Variants in CRPPA observed in about 807,000 individuals in gnomAD.
The protein encoded by CRPPA is D-ribitol-5-phosphate cytidylyltransferase.
A neutral mutation model predicts 52.0 loss-of-function variants in CRPPA; 43 were observed. That is an observed-to-expected ratio of 0.83 (90% CI 0.65 to 1.07). The LOEUF (loss-of-function observed/expected upper bound fraction) is 1.07. CRPPA is among the 50% of genes least tolerant of loss of function. CRPPA has a pLI of 0.00. For missense variants in CRPPA, 629 were observed against 551.7 expected, an observed-to-expected ratio of 1.14 and a Z score of -1.40; for synonymous variants, 250 against 203.5, an observed-to-expected ratio of 1.23 and a Z score of -1.94.
intron 9 of CRPPA, among the ~76,000 whole-genome samples, chr7:16,093,737 C>T (rs930970819): frequency 6.6e-6 from 1 of 152,134 alleles, no homozygotes; most frequent in Non-Finnish European, 1.5e-5. Context: ...ATCTGTGTCA[C>T]ATCATTCATA....
At chr7:16,230,772 G>A (rs2128402853) in intron 8 of CRPPA, among the ~76,000 whole-genome samples, 1 of 152,324 alleles carries the variant, frequency 6.6e-6, no homozygotes, top group South Asian at 2.1e-4. Flanking sequence ...AGTCTTCACA[G>A]ATAGGGATTT....
At chr7:16,141,405 T>C (rs1297449679) in intron 9 of CRPPA, among the ~76,000 whole-genome samples, 1 of 152,232 alleles carries the variant, frequency 6.6e-6, no homozygotes, top group Non-Finnish European at 1.5e-5. Flanking sequence ...CTGTAATTTA[T>C]GCAAATAAAC....
At chr7:16,329,751 T>A (rs908714399) in intron 3 of CRPPA, among the ~76,000 whole-genome samples, 2 of 152,184 alleles carry the variant, frequency 1.3e-5, no homozygotes, top group Non-Finnish European at 2.9e-5. Flanking sequence ...TTAAATTATA[T>A]ATAAGTAATC....
intron 9 of CRPPA, among the ~76,000 whole-genome samples, chr7:16,109,555 C>A (rs1782220105): frequency 2.0e-5 from 3 of 151,946 alleles, no homozygotes; most frequent in Admixed American, 1.3e-4. Context: ...AGACCAATAT[C>A]TTTCAGGAAC....
intron 2 of CRPPA, among the ~76,000 whole-genome samples, chr7:16,384,111 C>T (rs995274385): frequency 1.4e-4 from 21 of 152,126 alleles, no homozygotes; most frequent in African/African-American, 4.3e-4. Context: ...AGCTGTAGAC[C>T]GGAGCTGTTC....
chr7:16,406,005 AT>A, intron 2 of CRPPA, 55 bp downstream of exon 2: 1 of 1,492,042 alleles, frequency 6.7e-7, no homozygotes, highest in Non-Finnish European at 9.1e-7. Context: ...AATTCAGCAA[AT>A]GAACCACACT....
chr7:16,278,115 C>T lies in CRPPA; in HGVS notation c.933+14G>A. On this transcript the variant is annotated intron_variant, in intron 6 of 9. Transcript: ENST00000407010. ...GCAATCAAAGTTTATCAAACTCAGT[C>T]TTTGAATACTTACATTTAATTCACT... The T allele has an allele frequency of 7.4e-7, 1 of 1,357,216 alleles. No individual in the cohort carries two copies. Among genetic ancestry groups the T allele is most frequent in the South Asian group, 1.2e-5 (1 of 80,054 alleles). 84.1% of individuals were successfully genotyped at this position (1,357,216 alleles called of 1,614,324 possible). A position where few individuals can be genotyped will look rare whatever the true frequency, so the allele number is the denominator to read the frequency against.
intron 2 of CRPPA, among the ~76,000 whole-genome samples, chr7:16,387,863 T>G (rs141976858): frequency 6.6e-6 from 1 of 152,126 alleles, no homozygotes; most frequent in Admixed American, 6.5e-5. Flanking sequence ...CATAGAACAT[T>G]CTCTAGAACA....
At chr7:16,413,005 G>C (rs1388739377) in intron 1 of CRPPA, among the ~76,000 whole-genome samples, 2 of 152,136 alleles carry the variant, frequency 1.3e-5, no homozygotes, top group African/African-American at 4.8e-5. Flanking sequence ...GGAAAGATCA[G>C]GCCCTGTTAA....
intron 8 of CRPPA, among the ~76,000 whole-genome samples, chr7:16,250,024 G>C (rs1783400977): frequency 6.6e-6 from 1 of 152,172 alleles, no homozygotes; most frequent in Admixed American, 6.6e-5. Flanking sequence ...AACCAGTGTA[G>C]AGAAGAATAT....
At chr7:16,329,901 T>C (rs1785508844) in intron 3 of CRPPA, among the ~76,000 whole-genome samples, 1 of 152,236 alleles carries the variant, frequency 6.6e-6, no homozygotes, top group Non-Finnish European at 1.5e-5. Context: ...CTGTGTGATT[T>C]TCAAATCCAA....
intron 8 of CRPPA, among the ~76,000 whole-genome samples, chr7:16,246,748 A>T (rs1562582689): frequency 6.6e-6 from 1 of 152,264 alleles, no homozygotes; most frequent in Non-Finnish European, 1.5e-5. Context: ...TTAAGTCTCA[A>T]AAGTGGGCTT....
chr7:16,346,578 T>C (rs893564185), intron 3 of CRPPA, among the ~76,000 whole-genome samples: 3 of 152,146 alleles, frequency 2.0e-5, no homozygotes, highest in African/African-American at 7.2e-5. Context: ...CTAGTGTTTG[T>C]TGACTACTGC....
intron 5 of CRPPA, among the ~76,000 whole-genome samples, chr7:16,279,724 C>A (rs1784282576): frequency 6.6e-6 from 1 of 152,072 alleles, no homozygotes; most frequent in Non-Finnish European, 1.5e-5. Flanking sequence ...AGGAGCTTTG[C>A]AAACAATCAA....
intron 8 of CRPPA, among the ~76,000 whole-genome samples, chr7:16,218,363 C>A (rs1782391899): frequency 7.6e-6 from 1 of 131,992 alleles, no homozygotes; most frequent in Non-Finnish European, 1.6e-5. Context: ...ACCATCGAGA[C>A]TAGGAAGAAA....
At chr7:16,377,916 G>C (rs765866151) in intron 2 of CRPPA, among the ~76,000 whole-genome samples, 1 of 151,908 alleles carries the variant, frequency 6.6e-6, no homozygotes, top group Non-Finnish European at 1.5e-5. Context: ...CAGAATACTG[G>C]GGCCCTGATC....
At chr7:16,320,680 A>G (rs975222874) in intron 3 of CRPPA, among the ~76,000 whole-genome samples, 6 of 152,178 alleles carry the variant, frequency 3.9e-5, no homozygotes, top group East Asian at 1.9e-4. Context: ...CAATGTTTCA[A>G]GTAGAAACAA....
chr7:16,194,926 CA>C (rs1234243031), intron 9 of CRPPA, among the ~76,000 whole-genome samples: 1 of 151,316 alleles, frequency 6.6e-6, no homozygotes, highest in Non-Finnish European at 1.5e-5. Context: ...GAATCACTAG[CA>C]TAAGAGAGTG....
At chr7:16,346,768 T>G (rs1167924680) in intron 3 of CRPPA, among the ~76,000 whole-genome samples, 1 of 152,068 alleles carries the variant, frequency 6.6e-6, no homozygotes, top group Non-Finnish European at 1.5e-5. Context: ...GCACATTCCA[T>G]GCCTAGTCCT....
Sources: allele counts gnomAD v4.1 joint callset (sites outside exome capture counted in the v4.1 genomes callset), GRCh38; gene constraint gnomAD v4.1.1; transcripts MANE v1.5; gene names NCBI Gene and HGNC (gene_info 2026-07-23, HGNC 2026-07-21).